The following LTBP1 variants were observed in gnomAD, a reference collection of about 807,000 sequenced individuals.
The protein encoded by LTBP1 is latent transforming growth factor beta binding protein 1.
Under a neutral mutation model 207.6 loss-of-function variants are expected in LTBP1, and 129 were observed. The ratio of observed to expected loss-of-function variants is 0.62; its 90% CI spans 0.54 to 0.72. The LOEUF (loss-of-function observed/expected upper bound fraction) is 0.72. Among genes scored for constraint, LTBP1 ranks in the 30% least tolerant of loss-of-function variants. The probability of loss-of-function intolerance (pLI) is 0.00; values close to 1 mark genes in which losing one functional copy is unlikely to be tolerated. For missense variants in LTBP1, 2,281 were observed against 2,217.2 expected (o/e 1.03, Z -0.58); for synonymous variants, 963 against 833.7 (o/e 1.16, Z -2.67).
intron 32 of LTBP1, among the ~76,000 whole-genome samples, 187 bp from the exon 33 acceptor site, chr2:33,396,946 A>C (rs1243842205): frequency 6.6e-6 from 1 of 152,208 alleles, no homozygotes; most frequent in South Asian, 2.1e-4. Flanking sequence ...AAAATATACA[A>C]GTTTTTTATT....
At chr2:33,094,857 T>C (rs889163864) in intron 3 of LTBP1, among the ~76,000 whole-genome samples, 3 of 152,208 alleles carry the variant, frequency 2.0e-5, no homozygotes, top group African/African-American at 7.2e-5. Flanking sequence ...AAAAAAAAGT[T>C]GCATTTACCC....
At chr2:33,170,197 G>A (rs547312292) in intron 5 of LTBP1, among the ~76,000 whole-genome samples, 247 of 152,328 alleles carry the variant, frequency 1.6e-3, no homozygotes, top group Non-Finnish European at 1.0e-3. Flanking sequence ...GAAGCAGGGC[G>A]AGGCATTGCC....
intron 19 of LTBP1, 130 bp downstream of exon 19, chr2:33,280,288 G>C: frequency 1.1e-6 from 1 of 932,190 alleles, no homozygotes. Flanking sequence ...TCTAAGAAAA[G>C]TTCCCAGTAA....
At chr2:33,115,112 A>T (rs1298826804) in intron 4 of LTBP1, among the ~76,000 whole-genome samples, 1 of 124,950 alleles carries the variant, frequency 8.0e-6, no homozygotes, top group African/African-American at 3.2e-5. Flanking sequence ...ATGTACACAC[A>T]CACACACATA....
chr2:33,099,189 G>A (rs1558634977), intron 3 of LTBP1, among the ~76,000 whole-genome samples: 2 of 152,116 alleles, frequency 1.3e-5, no homozygotes, highest in South Asian at 4.1e-4. Flanking sequence ...CCCTAAAAGG[G>A]GATTGGAACA....
intron 2 of LTBP1, among the ~76,000 whole-genome samples, chr2:32,971,432 G>A (rs192152200): frequency 4.6e-5 from 7 of 152,138 alleles, no homozygotes; most frequent in Admixed American, 1.3e-4. Context: ...TGGGTTTGTC[G>A]TAGATGGCCC....
intron 2 of LTBP1, among the ~76,000 whole-genome samples, chr2:32,985,351 A>G (rs72791718): frequency 0.095 from 14,517 of 152,158 alleles, 933 homozygotes; most frequent in Non-Finnish European, 0.14. Flanking sequence ...TAAGCCCATG[A>G]TTGGCTATCA....
chr2:33,117,582 G>A (rs1386583784), intron 4 of LTBP1, among the ~76,000 whole-genome samples: 1 of 152,208 alleles, frequency 6.6e-6, no homozygotes, highest in Non-Finnish European at 1.5e-5. Flanking sequence ...CTGAATGTTA[G>A]GAGATAGGCA....
In LTBP1 at chr2:32,982,424, G is replaced by C. The variant is rs527657738; in HGVS notation, c.565+33479G>C. ...AAAAGAAAAACCAATTTTCTGGGGA[G>C]AAACTCAAGCCTGCTGCAGAAATTT... On this transcript the variant is annotated intron_variant, in intron 2 of 33. Coordinates refer to ENST00000404816, the MANE Select transcript of LTBP1 (RefSeq NM_206943.4). Among the ~76,000 whole-genome samples, 38 of 152,288 alleles carry C rather than the reference G, an allele frequency of 2.5e-4. No individual in the cohort carries two copies. In the East Asian group the frequency reaches 6.4e-3, roughly 25 times the overall value.
chr2:33,079,826 G>T (rs190077), intron 3 of LTBP1, among the ~76,000 whole-genome samples: 114,568 of 152,116 alleles, frequency 0.75, 45,390 homozygotes, highest in East Asian at 0.98. Context: ...ACACAGTTAA[G>T]TTTCCAACAG....
chr2:33,012,926 T>G (rs1175909146), intron 2 of LTBP1, among the ~76,000 whole-genome samples: 1 of 152,228 alleles, frequency 6.6e-6, no homozygotes, highest in Non-Finnish European at 1.5e-5. Flanking sequence ...TGAATGGCAG[T>G]GAATAATGAA....
At chr2:33,282,584 A>G (rs1260032012) in intron 19 of LTBP1, among the ~76,000 whole-genome samples, 2 of 152,222 alleles carry the variant, frequency 1.3e-5, no homozygotes, top group Admixed American at 6.5e-5. Context: ...GACCATGTTA[A>G]TGACTGCCCA....
In LTBP1 at chr2:33,365,315, C is replaced by T. The variant is rs2094972269; in HGVS notation, c.4541-18C>T. The T allele has an allele frequency of 5.6e-6, 9 of 1,612,838 alleles. No individual in the cohort carries two copies. The East Asian group carries it at 2.0e-4, about 36-fold the overall frequency. On this transcript the variant is annotated intron_variant, in intron 30 of 33. Coordinates refer to ENST00000404816, the MANE Select transcript of LTBP1 (RefSeq NM_206943.4). ...GAATAACTGTGCGATTTTCATGGAACTATGTCTTCCCTTTCAGAACAAATA... is the reference window on the plus strand; with the variant it reads ...GAATAACTGTGCGATTTTCATGGAATTATGTCTTCCCTTTCAGAACAAATA...
At chr2:33,180,461 T>G (rs997994391) in intron 5 of LTBP1, among the ~76,000 whole-genome samples, 5 of 151,654 alleles carry the variant, frequency 3.3e-5, no homozygotes, top group African/African-American at 1.2e-4. Flanking sequence ...ATAGTTTTTT[T>G]TTTTTTTTTT....
At chr2:33,053,878 C>G (rs1327260356) in intron 3 of LTBP1, among the ~76,000 whole-genome samples, 2 of 152,222 alleles carry the variant, frequency 1.3e-5, no homozygotes, top group African/African-American at 4.8e-5. Flanking sequence ...AAAATTAAAT[C>G]ATCCACATAT....
chr2:33,305,411 G>A (rs1385113699), intron 22 of LTBP1, among the ~76,000 whole-genome samples: 1 of 151,768 alleles, frequency 6.6e-6, no homozygotes, highest in African/African-American at 2.4e-5. Flanking sequence ...GGGTATATGG[G>A]GAGTGTTGAG....
chr2:33,142,366 A>G (rs954571057), intron 5 of LTBP1, among the ~76,000 whole-genome samples: 5 of 152,002 alleles, frequency 3.3e-5, no homozygotes, highest in Non-Finnish European at 7.4e-5. Flanking sequence ...CCCTTTCTTC[A>G]GCATTCTTTT....
intron 5 of LTBP1, among the ~76,000 whole-genome samples, chr2:33,174,069 G>A (rs2085757401): frequency 7.0e-6 from 1 of 142,504 alleles, no homozygotes; most frequent in South Asian, 2.3e-4. Flanking sequence ...GGCAAAAACT[G>A]GAAGCATTCC....
intron 15 of LTBP1, among the ~76,000 whole-genome samples, chr2:33,265,348 C>A (rs1329734253): frequency 6.6e-6 from 1 of 152,156 alleles, no homozygotes; most frequent in African/African-American, 2.4e-5. Flanking sequence ...TTTAAGACAT[C>A]TTGTCTAAGG....
Sources: allele counts gnomAD v4.1 joint callset (sites outside exome capture counted in the v4.1 genomes callset), GRCh38; gene constraint gnomAD v4.1.1; transcripts MANE v1.5; gene names NCBI Gene and HGNC (gene_info 2026-07-23, HGNC 2026-07-21).